Variants in FOXJ2 observed in about 807,000 individuals in gnomAD.
The protein encoded by FOXJ2 is forkhead box J2.
Under a neutral mutation model 68.4 loss-of-function variants are expected in FOXJ2, and 18 were observed. The ratio of observed to expected loss-of-function variants is 0.26; its 90% CI spans 0.18 to 0.39. The LOEUF (loss-of-function observed/expected upper bound fraction) is 0.39. FOXJ2 is among the 10% of genes least tolerant of loss of function. FOXJ2 has a pLI of 1.00. For synonymous variants in FOXJ2, 274 were observed against 263.2 expected (o/e 1.04, Z -0.40); for missense variants, 670 against 726.5 (o/e 0.92, Z 0.89).
rs958025688 is a variant in FOXJ2, at chr12:8,040,987, T to C, written c.333+822T>C. On this transcript the variant is annotated intron_variant, in intron 2 of 10. Coordinates refer to ENST00000162391, the MANE Select transcript of FOXJ2 (RefSeq NM_018416.3). This position sits in a 1 kb window ranked among gnomAD's most constrained non-coding sequence, Gnocchi z 4.0. Reference sequence around the variant, plus strand: ...CCAAGCAAGTAATGAGAAGTTAAGTTGTTTGGCTGGAGATGAAGAAAGAAG... The same window carrying C: ...CCAAGCAAGTAATGAGAAGTTAAGTCGTTTGGCTGGAGATGAAGAAAGAAG... 5.3e-5 allele frequency among the ~76,000 whole-genome samples: 8 copies of C among 152,160 alleles called. No individual in the cohort carries two copies. Among genetic ancestry groups the C allele is most frequent in the Non-Finnish European group, 1.2e-4 (8 of 68,028 alleles).
At chr12:8,034,070 C>T (rs1003877814) in intron 1 of FOXJ2, among the ~76,000 whole-genome samples, 1 of 152,122 alleles carries the variant, frequency 6.6e-6, no homozygotes, top group African/African-American at 2.4e-5. Flanking sequence ...ATTTTAGGTC[C>T]CTTAGGGAAG....
chr12:8,039,756 A>G (rs1024568823), intron 1 of FOXJ2, 63 bp from the exon 2 acceptor site: 4 of 1,395,072 alleles, frequency 2.9e-6, no homozygotes, highest in Non-Finnish European at 3.9e-6. Flanking sequence ...ACTTCCCTCA[A>G]ACAAAAGGAT....
At chr12:8,050,462 TTTG>T in intron 9 of FOXJ2, 57 bp from the exon 10 acceptor site, 1 of 1,580,156 alleles carries the variant, frequency 6.3e-7, no homozygotes, top group Non-Finnish European at 8.6e-7. Context: ...TCTTCCCTGC[TTTG>T]TTGAGTACAG....
chr12:8,049,247 T>A, intron 8 of FOXJ2, 115 bp from the exon 9 acceptor site: 2 of 748,030 alleles, frequency 2.7e-6, no homozygotes, highest in Non-Finnish European at 4.5e-6. Context: ...TTATTGTTAG[T>A]GCCCGTTATC....
chr12:8,036,508 A>G (rs1197505287), intron 1 of FOXJ2, among the ~76,000 whole-genome samples: 2 of 152,152 alleles, frequency 1.3e-5, no homozygotes, highest in Non-Finnish European at 2.9e-5. Flanking sequence ...CTTCCAGCAC[A>G]CAGAGAAGAA....
In FOXJ2 at chr12:8,040,417, CTCTTA is replaced by C. The variant is rs1435846829; in HGVS notation, c.333+257_333+261del. ...GCAGGACGCTGTTGCTCATCACACC[CTCTTA>C]TCTTCTTTTTTTTTTTTGAGACAGA... On this transcript the variant is annotated intron_variant, in intron 2 of 10. Transcript: ENST00000162391. The surrounding 1 kb of genome is among the most constrained non-coding windows in gnomAD (Gnocchi z 4.0). Among the ~76,000 whole-genome samples the C allele has an allele frequency of 6.6e-6, 1 of 151,776 alleles. No homozygotes were observed. The highest frequency in any genetic ancestry group is 2.4e-5 in the African/African-American group (1 of 41,328).
Position 8,033,466 on chromosome 12 carries a change from A to C in FOXJ2, c.-382A>C, listed in dbSNP as rs1259760476. The C allele has an allele frequency of 6.5e-6, 1 of 152,824 alleles. No homozygotes were observed. Among genetic ancestry groups the C allele is most frequent in the Admixed American group, 6.5e-5 (1 of 15,284 alleles). 9.5% of individuals were successfully genotyped at this position (152,824 alleles called of 1,614,324 possible). On this transcript the variant is annotated 5_prime_UTR_variant, in exon 1 of 11. Coordinates refer to ENST00000162391, the MANE Select transcript of FOXJ2 (RefSeq NM_018416.3). Reference sequence around the variant, plus strand: ...GAGCCCCTCCGCTCCTATCTCCAGCAGACAGAAAGAGCCCTCCACCTCAGA... The same window carrying C: ...GAGCCCCTCCGCTCCTATCTCCAGCCGACAGAAAGAGCCCTCCACCTCAGA...
At chr12:8,048,892 C>A in intron 8 of FOXJ2, 94 bp downstream of exon 8, 1 of 931,530 alleles carries the variant, frequency 1.1e-6, no homozygotes, top group Non-Finnish European at 1.7e-6. Flanking sequence ...AATGAAGTTG[C>A]AGAAATGAGG....
chr12:8,039,809 T>G lies in FOXJ2; in HGVS notation c.-14-10T>G, dbSNP rs780430492. On this transcript the variant is annotated splice_polypyrimidine_tract_variant and intron_variant, in intron 1 of 10. Transcript: ENST00000162391. ...CCAGTATTTTCGTCTCCTCTTTGTC[T>G]TCTCTGCAGAACCCAGAAGTACCAT... 5.7e-6 allele frequency: 9 copies of G among 1,592,912 alleles called. No individual in the cohort carries two copies. The highest frequency in any genetic ancestry group is 7.7e-6 in the Non-Finnish European group (9 of 1,167,572).
chr12:8,040,553 T>A lies in FOXJ2; in HGVS notation c.333+388T>A, dbSNP rs1946952361. Among the ~76,000 whole-genome samples, 1 of 151,882 alleles carries A rather than the reference T, an allele frequency of 6.6e-6. No individual in the cohort carries two copies. On this transcript the variant is annotated intron_variant, in intron 2 of 10. Transcript: ENST00000162391. This position sits in a 1 kb window ranked among gnomAD's most constrained non-coding sequence, Gnocchi z 4.0. Reference sequence around the variant, plus strand: ...TTTCCTGCCTCAGCTTCCTGAGTAGTTGGGATTACAGGTGCCCGCCACCGT... The same window carrying A: ...TTTCCTGCCTCAGCTTCCTGAGTAGATGGGATTACAGGTGCCCGCCACCGT...
intron 2 of FOXJ2, among the ~76,000 whole-genome samples, chr12:8,041,812 T>C (rs1289207806): frequency 1.3e-5 from 2 of 151,990 alleles, no homozygotes; most frequent in African/African-American, 4.8e-5. Context: ...GCCTGGCCCA[T>C]TGAGCTTTCC....
At position 8,050,698 on chromosome 12, in the gene FOXJ2, T is replaced by C. The variant is rs1947105163; in HGVS notation, c.1636+78T>C. ...GCTTTCCTTTGACTCTGAGCTGGCA[T>C]TCTGTGCATTTTTGCCTGCATCTCG... On this transcript the variant is annotated intron_variant, in intron 10 of 10. Transcript: ENST00000162391. 8 of 1,534,746 alleles carry C rather than the reference T, an allele frequency of 5.2e-6. No individual in the cohort carries two copies. In the Admixed American group the frequency reaches 1.4e-4, roughly 26 times the overall value.
Position 8,035,944 on chromosome 12 carries a change from T to C in FOXJ2, c.-15+2111T>C, listed in dbSNP as rs1286771530. On this transcript the variant is annotated intron_variant, in intron 1 of 10. Coordinates refer to ENST00000162391, the MANE Select transcript of FOXJ2 (RefSeq NM_018416.3). This position sits in a 1 kb window ranked among gnomAD's most constrained non-coding sequence, Gnocchi z 4.0. Reference sequence around the variant, plus strand: ...TGAGATTCTGACATCCTGAAAACCATTGCAGATGCAGTGCAGGCTTTGTAA... The same window carrying C: ...TGAGATTCTGACATCCTGAAAACCACTGCAGATGCAGTGCAGGCTTTGTAA... 1.3e-5 allele frequency among the ~76,000 whole-genome samples: 2 copies of C among 152,210 alleles called. No individual in the cohort carries two copies. The highest frequency in any genetic ancestry group is 2.9e-5 in the Non-Finnish European group (2 of 68,034).
intron 10 of FOXJ2, among the ~76,000 whole-genome samples, chr12:8,050,896 C>CTTCCCCTTCCCTTCCCCTTCCA (rs1947112113): frequency 4.5e-5 from 3 of 66,884 alleles, no homozygotes; most frequent in African/African-American, 1.6e-4. Flanking sequence ...TTCCCCTTCC[C>CTTCCCCTTCCCTTCCCCTTCCA]TTCCCCTTCC....
chr12:8,039,681 T>G, intron 1 of FOXJ2, 138 bp from the exon 2 acceptor site: 1 of 709,674 alleles, frequency 1.4e-6, no homozygotes, highest in South Asian at 1.8e-5. Context: ...TTGGGGATTC[T>G]GGGAACACCT....
intron 5 of FOXJ2, 26 bp from the exon 6 acceptor site, chr12:8,044,734 C>T: frequency 6.2e-7 from 1 of 1,612,552 alleles, no homozygotes; most frequent in Non-Finnish European, 8.5e-7. Flanking sequence ...GGACACTGAT[C>T]AGGAATTTCT....
At chr12:8,049,593 C>T in intron 9 of FOXJ2, 22 bp downstream of exon 9, 3 of 1,537,788 alleles carry the variant, frequency 2.0e-6, no homozygotes, top group Non-Finnish European at 2.6e-6. Flanking sequence ...AGCCAGTTGC[C>T]ATGGAGGTGG....
intron 10 of FOXJ2, among the ~76,000 whole-genome samples, chr12:8,051,942 C>T (rs1947131302): frequency 6.6e-6 from 1 of 150,870 alleles, no homozygotes; most frequent in South Asian, 2.1e-4. Flanking sequence ...GATCCTGGCT[C>T]ACTGCAACCT....
intron 3 of FOXJ2, 121 bp downstream of exon 3, chr12:8,042,853 A>T: frequency 8.5e-6 from 7 of 827,626 alleles, no homozygotes; most frequent in Non-Finnish European, 1.4e-5. Context: ...TTAGAGAAGC[A>T]TCTTTATTTT....
Sources: allele counts gnomAD v4.1 joint callset (sites outside exome capture counted in the v4.1 genomes callset), GRCh38; gene constraint gnomAD v4.1.1; non-coding constraint Gnocchi (gnomAD v3.1); transcripts MANE v1.5; gene names NCBI Gene and HGNC (gene_info 2026-07-23, HGNC 2026-07-21).